ATP8A2: variants seen among roughly 807,000 people sequenced by gnomAD.
ATP8A2 encodes ATPase phospholipid transporting 8A2.
In ATP8A2, 100 loss-of-function variants were observed where a neutral mutation model predicts 165.6. The ratio of observed to expected loss-of-function variants is 0.60; its 90% confidence interval spans 0.51 to 0.71. The LOEUF (loss-of-function observed/expected upper bound fraction) is 0.71. Ranked by LOEUF, ATP8A2 falls within the 30% of genes least tolerant of loss-of-function variation. The pLI is 0.00. For synonymous variants in ATP8A2, 543 were observed against 548.8 expected, an observed-to-expected ratio of 0.99 and a Z score of 0.15; for missense variants, 1,227 against 1,479.5, an observed-to-expected ratio of 0.83 and a Z score of 2.80.
In ATP8A2 at chr13:25,831,376, G is replaced by A. The variant is rs1048910114; in HGVS notation, c.2754+3184G>A. 5.9e-5 allele frequency among the ~76,000 whole-genome samples: 9 copies of A among 151,726 alleles called. No individual in the cohort carries two copies. The South Asian group carries it at 1.5e-3, about 25-fold the overall frequency. On this transcript the variant is annotated intron_variant, in intron 28 of 36. Transcript: ENST00000381655. ...ATTACAGTCGCCCGCCACCGCGCCC[G>A]GCTAATTTTTGTATTTTTAGTAGAG... is the stretch of plus-strand genomic sequence containing the variant.
At chr13:25,950,977 G>C (rs944074389) in intron 33 of ATP8A2, among the ~76,000 whole-genome samples, 3 of 152,198 alleles carry the variant, frequency 2.0e-5, no homozygotes, top group African/African-American at 4.8e-5. Flanking sequence ...AGTGGAAACA[G>C]ACACCATACC....
At chr13:25,718,439 T>TA (rs1381825824) in intron 25 of ATP8A2, among the ~76,000 whole-genome samples, 1 of 152,204 alleles carries the variant, frequency 6.6e-6, no homozygotes, top group Non-Finnish European at 1.5e-5. Flanking sequence ...GGTTCATTCT[T>TA]ACGTGTGTAT....
intron 27 of ATP8A2, among the ~76,000 whole-genome samples, chr13:25,817,013 A>T (rs899812449): frequency 6.6e-6 from 1 of 152,180 alleles, no homozygotes; most frequent in Non-Finnish European, 1.5e-5. Flanking sequence ...AAGTGATCTT[A>T]TACATATTTC....
At chr13:25,602,033 A>T (rs929053661) in intron 24 of ATP8A2, among the ~76,000 whole-genome samples, 6 of 152,336 alleles carry the variant, frequency 3.9e-5, no homozygotes, top group African/African-American at 1.4e-4. Flanking sequence ...CTGCTAAAAA[A>T]TTCCTGATAC....
At chr13:25,916,006 C>T (rs1954258718) in intron 33 of ATP8A2, among the ~76,000 whole-genome samples, 2 of 152,106 alleles carry the variant, frequency 1.3e-5, no homozygotes, top group South Asian at 2.1e-4. Flanking sequence ...TACTTAAACC[C>T]ATGCGTTAGT....
intron 2 of ATP8A2, among the ~76,000 whole-genome samples, chr13:25,503,190 C>T (rs1342400464): frequency 1.3e-5 from 2 of 152,184 alleles, no homozygotes; most frequent in African/African-American, 4.8e-5. Flanking sequence ...GGGACTTACG[C>T]AAAGTTGTGT....
At chr13:25,952,476 G>A (rs1341589168) in intron 33 of ATP8A2, among the ~76,000 whole-genome samples, 1 of 151,700 alleles carries the variant, frequency 6.6e-6, no homozygotes, top group Non-Finnish European at 1.5e-5. Flanking sequence ...GAACTCTTGA[G>A]CCCAAGCGAT....
At chr13:25,705,273 G>A (rs1367802374) in intron 25 of ATP8A2, 1 of 317,402 alleles carries the variant, frequency 3.2e-6, no homozygotes, top group Admixed American at 4.8e-5. Flanking sequence ...GTCTCGTCAG[G>A]AAAAGAGTCA....
At chr13:25,641,199 C>G (rs1421606534) in intron 24 of ATP8A2, among the ~76,000 whole-genome samples, 1 of 152,170 alleles carries the variant, frequency 6.6e-6, no homozygotes, top group African/African-American at 2.4e-5. Flanking sequence ...TGGCACAAGA[C>G]AGGGATGCCC....
intron 33 of ATP8A2, among the ~76,000 whole-genome samples, chr13:25,952,688 GCA>G (rs1955401496): frequency 6.6e-6 from 1 of 152,082 alleles, no homozygotes; most frequent in African/African-American, 2.4e-5. Context: ...CTTTTCTGTT[GCA>G]TTGCAGAGTT....
chr13:25,985,404 T>G (rs1956259929), intron 35 of ATP8A2, among the ~76,000 whole-genome samples: 1 of 152,210 alleles, frequency 6.6e-6, no homozygotes, highest in Non-Finnish European at 1.5e-5. Flanking sequence ...CCTTAAAGTC[T>G]TTCCTTGGGC....
At chr13:25,808,945 A>G (rs1950802337) in intron 27 of ATP8A2, among the ~76,000 whole-genome samples, 2 of 152,206 alleles carry the variant, frequency 1.3e-5, no homozygotes, top group African/African-American at 4.8e-5. Flanking sequence ...AGAACTAAGG[A>G]ATACAAATCT....
intron 13 of ATP8A2, among the ~76,000 whole-genome samples, chr13:25,557,478 G>T (rs1007136274): frequency 2.0e-5 from 3 of 151,950 alleles, no homozygotes; most frequent in African/African-American, 4.8e-5. Flanking sequence ...GGCTAAATTT[G>T]CCTTCTCTTT....
In ATP8A2 at chr13:25,953,060, G is replaced by A. The variant is rs952018080; in HGVS notation, c.3184-8515G>A. ...GGGCTGAGAAGAGAAGGTGGCAATG[G>A]CAACTGCAAGGGTTCTTCCAAATCC... is the stretch of plus-strand genomic sequence containing the variant. On this transcript the variant is annotated intron_variant, in intron 33 of 36. Coordinates refer to ENST00000381655, the MANE Select transcript of ATP8A2 (RefSeq NM_016529.6). The surrounding 1 kb of genome is among the most constrained non-coding windows in gnomAD (Gnocchi z 6.7). Among the ~76,000 whole-genome samples the A allele has an allele frequency of 6.6e-6, 1 of 152,170 alleles. No individual in the cohort carries two copies. The highest frequency in any genetic ancestry group is 1.5e-5 in the Non-Finnish European group (1 of 68,020).
intron 27 of ATP8A2, among the ~76,000 whole-genome samples, chr13:25,827,258 C>T (rs556411666): frequency 2.6e-4 from 39 of 152,188 alleles, no homozygotes; most frequent in Admixed American, 5.2e-4. Flanking sequence ...ATTACAGGTG[C>T]GTGCCACCAC....
At chr13:25,500,694 C>T (rs964272389) in intron 2 of ATP8A2, among the ~76,000 whole-genome samples, 4 of 152,102 alleles carry the variant, frequency 2.6e-5, no homozygotes, top group Admixed American at 2.6e-4. Context: ...ATCCTCCCAC[C>T]TCAGCCTCCT....
At chr13:25,438,376 G>A (rs1417723507) in intron 1 of ATP8A2, among the ~76,000 whole-genome samples, 2 of 152,178 alleles carry the variant, frequency 1.3e-5, no homozygotes, top group African/African-American at 2.4e-5. Flanking sequence ...GGGCACCATG[G>A]CTCACTCTTG....
intron 35 of ATP8A2, among the ~76,000 whole-genome samples, chr13:25,987,372 C>A (rs541998754): frequency 6.6e-6 from 1 of 152,326 alleles, no homozygotes; most frequent in South Asian, 2.1e-4. Context: ...AGCCAGTCAT[C>A]TTATTTTGAA....
chr13:25,513,653 C>G (rs893554950), intron 2 of ATP8A2, among the ~76,000 whole-genome samples: 7 of 152,040 alleles, frequency 4.6e-5, no homozygotes, highest in Non-Finnish European at 1.0e-4. Context: ...CCACTGCACT[C>G]CAGCCTGGGC....
Sources: gnomAD v4.1 joint callset for allele counts (sites outside exome capture counted in the v4.1 genomes callset) on GRCh38, gnomAD v4.1.1 for gene constraint, Gnocchi (gnomAD v3.1) non-coding constraint, MANE v1.5 for transcripts, NCBI Gene and HGNC (gene_info 2026-07-23, HGNC 2026-07-21) for gene names.